The following HPSE2 variants were observed in gnomAD, a reference collection of about 807,000 sequenced individuals.
The protein encoded by HPSE2 is inactive heparanase-2.
A neutral mutation model predicts 60.5 loss-of-function variants in HPSE2; 38 were observed. The observed-to-expected ratio is 0.63, with a 90% CI of 0.48 to 0.82. The LOEUF (loss-of-function observed/expected upper bound fraction) is 0.82, where lower values mean the gene tolerates loss of function less well. Among genes scored for constraint, HPSE2 ranks in the 40% least tolerant of loss-of-function variants. The pLI is 0.00. For synonymous variants in HPSE2, 295 were observed against 293.2 expected (o/e 1.01, Z -0.06); for missense variants, 713 against 740.4 (o/e 0.96, Z 0.43).
intron 2 of HPSE2, among the ~76,000 whole-genome samples, chr10:99,199,497 G>T (rs562655549): frequency 6.6e-6 from 1 of 152,072 alleles, no homozygotes; most frequent in Non-Finnish European, 1.5e-5. Flanking sequence ...TTTGCATGTG[G>T]ATATCCCGTT....
intron 2 of HPSE2, among the ~76,000 whole-genome samples, chr10:99,207,505 A>G (rs1312973278): frequency 6.6e-6 from 1 of 152,224 alleles, no homozygotes; most frequent in African/African-American, 2.4e-5. Flanking sequence ...CTGTAATGAT[A>G]GTATGTGAAT....
intron 9 of HPSE2, among the ~76,000 whole-genome samples, chr10:98,497,221 G>A (rs1941873535): frequency 6.6e-6 from 1 of 152,030 alleles, no homozygotes. Flanking sequence ...GTGACTTTAA[G>A]TGAAATGATG....
At chr10:98,690,051 T>C (rs1948033930) in intron 6 of HPSE2, among the ~76,000 whole-genome samples, 1 of 152,214 alleles carries the variant, frequency 6.6e-6, no homozygotes, top group Admixed American at 6.5e-5. Context: ...CATGAATATA[T>C]ACATTTCAGG....
intron 3 of HPSE2, among the ~76,000 whole-genome samples, chr10:98,875,097 C>T (rs968093918): frequency 6.6e-6 from 1 of 151,740 alleles, no homozygotes; most frequent in Non-Finnish European, 1.5e-5. Context: ...AAATTGACAC[C>T]CTAACATCAC....
intron 9 of HPSE2, among the ~76,000 whole-genome samples, chr10:98,494,935 G>A (rs1226295592): frequency 1.3e-5 from 2 of 152,090 alleles, no homozygotes; most frequent in South Asian, 4.1e-4. Context: ...TTACAATAAT[G>A]CCAGCTTGTA....
At chr10:98,733,670 A>G (rs1949282004) in intron 4 of HPSE2, among the ~76,000 whole-genome samples, 1 of 152,086 alleles carries the variant, frequency 6.6e-6, no homozygotes, top group South Asian at 2.1e-4. Context: ...CAAATAGAAG[A>G]GTCTATTTGG....
chr10:99,074,385 T>C (rs1041019068), intron 3 of HPSE2, among the ~76,000 whole-genome samples: 3 of 152,204 alleles, frequency 2.0e-5, no homozygotes, highest in Non-Finnish European at 4.4e-5. Flanking sequence ...TGAATCATCC[T>C]TGCATCTCAG....
intron 4 of HPSE2, among the ~76,000 whole-genome samples, chr10:98,740,302 A>G (rs1376337135): frequency 6.6e-6 from 1 of 151,786 alleles, no homozygotes; most frequent in African/African-American, 2.4e-5. Context: ...CAGTCTCCCA[A>G]GTACCCAGGA....
At chr10:98,687,145 G>T (rs1832230) in intron 6 of HPSE2, among the ~76,000 whole-genome samples, 5 of 152,068 alleles carry the variant, frequency 3.3e-5, no homozygotes, top group Admixed American at 3.3e-4. Flanking sequence ...ATCACAAACA[G>T]TAGCTTAAAG....
intron 3 of HPSE2, among the ~76,000 whole-genome samples, chr10:98,863,351 TAA>T (rs757443848): frequency 5.4e-4 from 82 of 151,818 alleles, no homozygotes; most frequent in Non-Finnish European, 1.1e-3. Flanking sequence ...CAAAAAAAAA[TAA>T]AGTGTCTGTA....
chr10:99,291,712 C>T, the HPSE2 span, among the ~76,000 whole-genome samples: 2 of 151,902 alleles, frequency 1.3e-5, no homozygotes, highest in Non-Finnish European at 2.9e-5. Context: ...AAGAGATTTT[C>T]GAAAACTACA....
chr10:98,754,957 A>T (rs1307129736), intron 3 of HPSE2, among the ~76,000 whole-genome samples: 1 of 151,534 alleles, frequency 6.6e-6, no homozygotes, highest in African/African-American at 2.4e-5. Context: ...CTATAAAGCA[A>T]CTACACAATC....
chr10:98,994,170 C>T (rs1438074494), intron 3 of HPSE2, among the ~76,000 whole-genome samples: 1 of 152,202 alleles, frequency 6.6e-6, no homozygotes, highest in African/African-American at 2.4e-5. Context: ...CAGTGTTAAA[C>T]TCTGGAAATG....
intron 2 of HPSE2, among the ~76,000 whole-genome samples, chr10:99,166,503 C>A (rs1847086645): frequency 6.6e-6 from 1 of 152,112 alleles, no homozygotes; most frequent in African/African-American, 2.4e-5. Flanking sequence ...ACTTCTAATA[C>A]AGTTATAGGG....
the HPSE2 span, among the ~76,000 whole-genome samples, chr10:99,268,921 C>T: frequency 2.0e-5 from 3 of 151,530 alleles, no homozygotes; most frequent in Non-Finnish European, 2.9e-5. Flanking sequence ...TTTGGGAGGC[C>T]GAGGCGGGTG....
At chr10:98,749,947 T>TATATATATATATATACAC in intron 3 of HPSE2, among the ~76,000 whole-genome samples, 1,325 of 98,298 alleles carry the variant, frequency 0.013, 40 homozygotes, top group African/African-American at 0.027. Flanking sequence ...TATATATATA[T>TATATATATATATATACAC]ACACACACAC....
At chr10:99,186,999 G>T (rs1848054481) in intron 2 of HPSE2, among the ~76,000 whole-genome samples, 1 of 151,910 alleles carries the variant, frequency 6.6e-6, no homozygotes. Context: ...GCCCAGGCTG[G>T]TCTCGAACTC....
chr10:99,048,223 T>C (rs867955085), intron 3 of HPSE2: 17 of 598,956 alleles, frequency 2.8e-5, no homozygotes, highest in Admixed American at 1.1e-4. Context: ...ATGAGATCTA[T>C]ACTATTGGAA....
chr10:98,601,625 C>A (rs1005971236), intron 9 of HPSE2, among the ~76,000 whole-genome samples: 2 of 152,212 alleles, frequency 1.3e-5, no homozygotes, highest in African/African-American at 4.8e-5. Flanking sequence ...TCAAAATGAC[C>A]ACAGCATGAC....
Sources: gnomAD v4.1 joint callset for allele counts (sites outside exome capture counted in the v4.1 genomes callset) on GRCh38, gnomAD v4.1.1 for gene constraint, MANE v1.5 for transcripts, NCBI Gene and HGNC (gene_info 2026-07-23, HGNC 2026-07-21) for gene names.